HMMR: variants seen among roughly 807,000 people sequenced by gnomAD.
HMMR encodes intracellular hyaluronic acid-binding protein.
In HMMR, 108 loss-of-function variants were observed where a neutral mutation model predicts 101.0. The ratio of observed to expected loss-of-function variants is 1.07; its 90% CI spans 0.92 to 1.25. The LOEUF is 1.25. HMMR is among the 50% of genes most tolerant of loss of function. The pLI is 0.00. For synonymous variants in HMMR, 296 were observed against 276.4 expected (o/e 1.07, Z -0.70); for missense variants, 813 against 788.7 (o/e 1.03, Z -0.37).
rs1758990298 is a variant in HMMR at position 163,474,073 on chromosome 5, G to A, written c.921G>A (p.Arg307=). The part of the protein sequence containing the change: ...LEKEKEDHVN[R]NREHNENLNA... ...GTTTTCTAGAAGACCATGTCAACAG[G>A]AATAGAGAACACAACGAAAATCTAA... Residue 307 remains arginine (R), a synonymous_variant, in exon 10 of 18, where the codon AGG becomes AGA. Coordinates refer to ENST00000393915, the MANE Select transcript of HMMR (RefSeq NM_001142556.2). 3 of 1,610,258 alleles carry A rather than the reference G, an allele frequency of 1.9e-6. No individual in the cohort carries two copies. Among genetic ancestry groups the A allele is most frequent in the African/African-American group, 2.7e-5 (2 of 74,814 alleles).
chr5:163,462,360 TTCAAAAAAAAAAAA>T (rs1324970576), intron 1 of HMMR, among the ~76,000 whole-genome samples: 3 of 150,578 alleles, frequency 2.0e-5, no homozygotes, highest in African/African-American at 7.3e-5. Context: ...GAGACTCTGT[TTCAAAAAAAAAAAA>T]GCAAAAAAAC....
In HMMR at chr5:163,468,363, C is replaced by T. The variant is rs892293094; in HGVS notation, c.273+615C>T. On this transcript the variant is annotated intron_variant, in intron 4 of 17. Transcript: ENST00000393915. The stretch of plus-strand genomic sequence containing the variant: ...AGCTACCATACTGGACAGGGCATTT[C>T]CACCATGACAGAAATTTCTATTGAA... 5.3e-5 allele frequency among the ~76,000 whole-genome samples: 8 copies of T among 152,284 alleles called. No individual in the cohort carries two copies. The South Asian group carries it at 1.7e-3, about 32-fold the overall frequency.
At chr5:163,490,679 T>C (rs1464069288) in intron 17 of HMMR, 127 bp downstream of exon 17, 7 of 707,596 alleles carry the variant, frequency 9.9e-6, no homozygotes, top group Non-Finnish European at 1.7e-5. Context: ...CAGTTCTTAC[T>C]GAGATTGTTG....
rs772018915 is a variant in HMMR at position 163,473,166 on chromosome 5, A to C, written c.651-13A>C. The C allele has an allele frequency of 2.8e-5, 38 of 1,352,202 alleles. No homozygotes were observed. In the South Asian group the frequency reaches 4.4e-4, roughly 16 times the overall value. 83.8% of individuals were successfully genotyped at this position (1,352,202 alleles called of 1,614,324 possible). A position where few individuals can be genotyped will look rare whatever the true frequency, so the allele number is the denominator to read the frequency against. On this transcript the variant is annotated splice_polypyrimidine_tract_variant and intron_variant, in intron 7 of 17. Coordinates refer to ENST00000393915, the MANE Select transcript of HMMR (RefSeq NM_001142556.2). Reference sequence around the variant, plus strand: ...AAACTAGAATGTATTAACATATGCAATTTTTGTTTTAGTGTTTCAATAGAG... The same window carrying C: ...AAACTAGAATGTATTAACATATGCACTTTTTGTTTTAGTGTTTCAATAGAG...
At chr5:163,487,588 A>G (rs1759522403) in intron 16 of HMMR, among the ~76,000 whole-genome samples, 1 of 152,082 alleles carries the variant, frequency 6.6e-6, no homozygotes, top group Non-Finnish European at 1.5e-5. Context: ...TACTAATTCA[A>G]TATCTTTACT....
At chr5:163,466,528 A>C (rs893963256) in intron 3 of HMMR, among the ~76,000 whole-genome samples, 2 of 152,182 alleles carry the variant, frequency 1.3e-5, no homozygotes, top group Non-Finnish European at 2.9e-5. Context: ...GACATACTCG[A>C]TTTTGTTAGT....
intron 12 of HMMR, among the ~76,000 whole-genome samples, chr5:163,480,436 T>C (rs1225736507): frequency 6.6e-6 from 1 of 152,226 alleles, no homozygotes; most frequent in East Asian, 1.9e-4. Flanking sequence ...GAGTATTTTA[T>C]TGTATGAATA....
In HMMR at chr5:163,471,418, G is replaced by GTC; in HGVS notation, c.608_609dup (p.Glu204SerfsTer8). 1 of 1,614,010 alleles carries GTC rather than the reference G, an allele frequency of 6.2e-7. No homozygotes were observed. The highest frequency in any genetic ancestry group is 8.5e-7 in the Non-Finnish European group (1 of 1,179,958). On this transcript the variant is annotated frameshift_variant, in exon 7 of 18. Coordinates refer to ENST00000393915, the MANE Select transcript of HMMR (RefSeq NM_001142556.2). LOFTEE classifies it high-confidence loss of function. ...ATGAAGCTGCAGGTCACCCAAAGGA[G>GTC]TCTCGAAGAGTCTCAAGGGAAAATA...
chr5:163,463,911 A>C lies in HMMR; in HGVS notation c.102A>C (p.Gly34=). Residue 34 remains glycine, a synonymous_variant, in exon 2 of 18, where the codon GGA becomes GGC. Transcript: ENST00000393915. ...YDVKTLEVLK[G]PVSFQKSQRF... is the part of the protein sequence containing the mutation. Reference sequence around the variant, plus strand: ...TTAAAACTTTAGAAGTATTGAAAGGACCAGTATCCTTTCAGAAATCACAAA... The same window carrying C: ...TTAAAACTTTAGAAGTATTGAAAGGCCCAGTATCCTTTCAGAAATCACAAA... 1 of 1,483,220 alleles carries C rather than the reference A, an allele frequency of 6.7e-7. No homozygotes were observed. The allele number at this position is 1,483,220 out of a possible 1,614,324, so 91.9% of individuals were successfully genotyped here. A position where few individuals can be genotyped will look rare whatever the true frequency, so the allele number is the denominator to read the frequency against.
chr5:163,464,593 G>A, intron 2 of HMMR, 130 bp from the exon 3 acceptor site: 1 of 644,710 alleles, frequency 1.6e-6, no homozygotes, highest in Non-Finnish European at 2.7e-6. Flanking sequence ...CAGGCTGGGT[G>A]ACAGTGAGAC....
intron 11 of HMMR, among the ~76,000 whole-genome samples, chr5:163,478,269 A>G (rs953049809): frequency 1.5e-4 from 23 of 152,132 alleles, no homozygotes; most frequent in African/African-American, 5.6e-4. Context: ...AAGTCTTGTA[A>G]CTCTGTAGTT....
intron 16 of HMMR, among the ~76,000 whole-genome samples, chr5:163,485,826 G>A (rs1188614702): frequency 6.6e-6 from 1 of 152,148 alleles, no homozygotes; most frequent in African/African-American, 2.4e-5. Context: ...ATTTTTGTAT[G>A]TGGTGTGAGG....
chr5:163,473,263 G>A lies in HMMR; in HGVS notation c.725+10G>A, dbSNP rs575199427. ...ACATCGAAGAAATTAGGTAATATGAGCAGTAGCTTTAAATTGAACCTTATT... is the reference window on the plus strand; with the variant it reads ...ACATCGAAGAAATTAGGTAATATGAACAGTAGCTTTAAATTGAACCTTATT... On this transcript the variant is annotated intron_variant, in intron 8 of 17. Coordinates refer to ENST00000393915, the MANE Select transcript of HMMR (RefSeq NM_001142556.2). The A allele has an allele frequency of 5.1e-5, 77 of 1,521,512 alleles. No homozygotes were observed. The highest frequency in any genetic ancestry group is 6.5e-5 in the Non-Finnish European group (72 of 1,104,042). The allele number at this position is 1,521,512 out of a possible 1,614,324, so 94.3% of individuals were successfully genotyped here.
chr5:163,474,261 T>C (rs373048592), intron 10 of HMMR, 56 bp downstream of exon 10: 5 of 1,360,802 alleles, frequency 3.7e-6, no homozygotes, highest in Non-Finnish European at 5.1e-6. Context: ...CATTTCCCTA[T>C]GTCTCTGAAC....
At chr5:163,474,518 C>G (rs755119172) in intron 10 of HMMR, 4 of 465,940 alleles carry the variant, frequency 8.6e-6, no homozygotes, top group South Asian at 4.7e-5. Flanking sequence ...AAAAGACTGT[C>G]TAATTACAGA....
intron 13 of HMMR, 42 bp from the exon 14 acceptor site, chr5:163,482,978 G>A: frequency 6.6e-7 from 1 of 1,517,584 alleles, no homozygotes; most frequent in Non-Finnish European, 8.9e-7. Flanking sequence ...TAATGAAAGT[G>A]GCTATAAAAT....
At chr5:163,477,036 CAAAAGA>C (rs1391448135) in intron 11 of HMMR, among the ~76,000 whole-genome samples, 1 of 152,130 alleles carries the variant, frequency 6.6e-6, no homozygotes, top group African/African-American at 2.4e-5. Flanking sequence ...GTCCCAAAAA[CAAAAGA>C]AAAACTGAAA....
In HMMR at chr5:163,484,223, A is replaced by T. The variant is rs756334439; in HGVS notation, c.1940A>T (p.Asp647Val). 159 of 1,597,974 alleles carry T rather than the reference A, an allele frequency of 1.0e-4. No individual in the cohort carries two copies. The highest frequency in any genetic ancestry group is 1.3e-4 in the Non-Finnish European group (157 of 1,172,556). The change falls in exon 16 of 18, where the codon GAT (aspartate) becomes GTT (valine). Residue 647 changes from aspartate (D) to valine (V), a missense_variant. Coordinates refer to ENST00000393915, the MANE Select transcript of HMMR (RefSeq NM_001142556.2). ...QKIKHVVKLK[D>V]ENSQLKSEVS... Reference sequence around the variant, plus strand: ...ATCAAGCATGTTGTGAAGTTGAAAGATGAAAATAGCCAACTCAAATCGGTT... The same window carrying T: ...ATCAAGCATGTTGTGAAGTTGAAAGTTGAAAATAGCCAACTCAAATCGGTT...
Position 163,484,112 on chromosome 5 carries a change from A to G in HMMR, c.1829A>G (p.Asn610Ser), listed in dbSNP as rs1418253072. ...AFEVEKQALL[N>S]EHGAAQEQLN... is the part of the protein sequence containing the mutation. ...GAAGTAGAAAAACAGGCATTGTTGA[A>G]TGAACATGGTGCAGCTCAGGAACAG... Residue 610 changes from asparagine (N) to serine (S), a missense_variant, in exon 16 of 18, where the codon AAT becomes AGT. Asn to Ser is a conservative substitution (Grantham distance 46). Transcript: ENST00000393915. 6.3e-7 allele frequency: 1 copy of G among 1,599,828 alleles called. No individual in the cohort carries two copies. Among genetic ancestry groups the G allele is most frequent in the African/African-American group, 1.3e-5 (1 of 74,332 alleles).
Sources: allele counts gnomAD v4.1 joint callset (sites outside exome capture counted in the v4.1 genomes callset), GRCh38; gene constraint gnomAD v4.1.1; transcripts MANE v1.5; gene names NCBI Gene and HGNC (gene_info 2026-07-23, HGNC 2026-07-21).